TDRD12: variants seen among roughly 807,000 people sequenced by gnomAD.
TDRD12 encodes tudor domain containing 12.
Under a neutral mutation model 133.5 loss-of-function variants are expected in TDRD12, and 158 were observed. The ratio of observed to expected loss-of-function variants is 1.18; its 90% CI spans 1.04 to 1.35. TDRD12 has a LOEUF of 1.35. Among genes scored for constraint, TDRD12 ranks in the 40% most tolerant of loss-of-function variants. The pLI is 0.00. For missense variants in TDRD12, 1,443 were observed against 1,321.3 expected (o/e 1.09, Z -1.43); for synonymous variants, 460 against 477.9 (o/e 0.96, Z 0.49).
At chr19:32,773,409 T>C in intron 9 of TDRD12, 47 bp from the exon 10 acceptor site, 1 of 1,495,746 alleles carries the variant, frequency 6.7e-7, no homozygotes, top group Non-Finnish European at 9.1e-7. Flanking sequence ...ATGTATATTA[T>C]GTTGCTAGCA....
chr19:32,733,194 C>T (rs1043008114), intron 2 of TDRD12, among the ~76,000 whole-genome samples: 1 of 152,078 alleles, frequency 6.6e-6, no homozygotes, highest in Non-Finnish European at 1.5e-5. Context: ...CGTAGCCGGG[C>T]GTGGTGGCCC....
At chr19:32,806,061 G>A (rs1382472856) in intron 21 of TDRD12, among the ~76,000 whole-genome samples, 1 of 151,872 alleles carries the variant, frequency 6.6e-6, no homozygotes, top group African/African-American at 2.4e-5. Flanking sequence ...GAGCCTGTTA[G>A]TGTCTTCAGA....
At chr19:32,803,016 T>C in exon 21 of TDRD12, 1 of 1,536,020 alleles carries the variant, frequency 6.5e-7, no homozygotes, top group Non-Finnish European at 8.7e-7. Context: ...CTGCGCTACT[T>C]GGAGCGAGCG....
In TDRD12 at chr19:32,778,167, A is replaced by C. The variant is rs370824682; in HGVS notation, c.1121+938A>C. On this transcript the variant is annotated intron_variant, in intron 11 of 27. Transcript: ENST00000444215. ...CTGGTTGGCCTTGGGGGTTGGAGCCAGGGTGTGGACTCTGCAGCCATGTGG... is the reference window on the plus strand; with the variant it reads ...CTGGTTGGCCTTGGGGGTTGGAGCCCGGGTGTGGACTCTGCAGCCATGTGG... Among the ~76,000 whole-genome samples, 25 of 152,088 alleles carry C rather than the reference A, an allele frequency of 1.6e-4. No individual in the cohort carries two copies. The East Asian group carries it at 4.7e-3, about 28-fold the overall frequency.
chr19:32,731,623 AGGT>A (rs1465390480), intron 1 of TDRD12, 99 bp from the exon 2 acceptor site: 1 of 1,068,228 alleles, frequency 9.4e-7, no homozygotes, highest in African/African-American at 1.6e-5. Flanking sequence ...AGAATTTGTT[AGGT>A]CACTTAAATT....
chr19:32,723,312 G>A (rs914710230), intron 1 of TDRD12, among the ~76,000 whole-genome samples: 2 of 151,750 alleles, frequency 1.3e-5, no homozygotes, highest in Non-Finnish European at 2.9e-5. Context: ...GTGCAGTGGT[G>A]TGATCTCGGC....
rs1377598347 is a variant in TDRD12 at position 32,794,112 on chromosome 19, T to C, written c.1288-516T>C. On this transcript the variant is annotated intron_variant, in intron 13 of 27. Transcript: ENST00000444215. ...CCTGGCTTTTTTTTTTTTTTTTTTTTTTTTTTTTTTTGAGATGGAGTCTCG... is the reference window on the plus strand; with the variant it reads ...CCTGGCTTTTTTTTTTTTTTTTTTTCTTTTTTTTTTTGAGATGGAGTCTCG... 1.4e-4 allele frequency among the ~76,000 whole-genome samples: 18 copies of C among 128,142 alleles called. 2 individuals carry two copies. Among genetic ancestry groups the C allele is most frequent in the African/African-American group, 5.1e-4 (17 of 33,148 alleles). 84.1% of individuals were successfully genotyped at this position (128,142 alleles called of 152,430 possible).
At chr19:32,772,172 C>G (rs148426417) in intron 8 of TDRD12, among the ~76,000 whole-genome samples, 1 of 152,336 alleles carries the variant, frequency 6.6e-6, no homozygotes, top group African/African-American at 2.4e-5. Context: ...GCAGTTGATG[C>G]TGGCTTTTGG....
intron 11 of TDRD12, among the ~76,000 whole-genome samples, chr19:32,786,904 G>T (rs1222695632): frequency 6.6e-6 from 1 of 152,108 alleles, no homozygotes; most frequent in Admixed American, 6.5e-5. Context: ...TGTTATTACT[G>T]ACCTTCTGAA....
intron 6 of TDRD12, among the ~76,000 whole-genome samples, chr19:32,754,383 C>T (rs1969926909): frequency 6.6e-6 from 1 of 152,022 alleles, no homozygotes; most frequent in South Asian, 2.1e-4. Flanking sequence ...GTGGGAGGAT[C>T]ACTTGTGCCT....
At chr19:32,756,742 G>A (rs1270239272) in intron 7 of TDRD12, among the ~76,000 whole-genome samples, 1 of 152,076 alleles carries the variant, frequency 6.6e-6, no homozygotes, top group Non-Finnish European at 1.5e-5. Context: ...TTGCAATTTA[G>A]AGATACTAAG....
At chr19:32,810,052 C>T (rs765590710) in intron 22 of TDRD12, 41 bp from the exon 23 acceptor site, 25 of 1,331,556 alleles carry the variant, frequency 1.9e-5, no homozygotes, top group Non-Finnish European at 2.3e-5. Flanking sequence ...CCGGTTTAGA[C>T]TAAGTTTGTT....
chr19:32,799,961 C>T (rs1971339010), intron 16 of TDRD12, among the ~76,000 whole-genome samples: 2 of 151,848 alleles, frequency 1.3e-5, no homozygotes, highest in South Asian at 4.2e-4. Flanking sequence ...GTCTTGAATT[C>T]CTGACCTCAT....
chr19:32,775,807 C>T (rs1477714214), intron 10 of TDRD12, among the ~76,000 whole-genome samples: 2 of 152,104 alleles, frequency 1.3e-5, no homozygotes, highest in African/African-American at 4.8e-5. Context: ...TTGTCGTTTC[C>T]CTTGGCAGTC....
At chr19:32,823,720 A>C (rs1967487405), downstream of TDRD12, among the ~76,000 whole-genome samples, 1 of 152,180 alleles carries the variant, frequency 6.6e-6, no homozygotes, top group Admixed American at 6.5e-5. Context: ...TCTGGAAAAG[A>C]CAGTTTGCAA....
intron 14 of TDRD12, among the ~76,000 whole-genome samples, chr19:32,797,409 A>C (rs1488834416): frequency 6.6e-6 from 1 of 152,188 alleles, no homozygotes; most frequent in East Asian, 1.9e-4. Flanking sequence ...TTAGCTGTGC[A>C]GCCTTGGGTA....
intron 22 of TDRD12, among the ~76,000 whole-genome samples, chr19:32,808,470 C>T (rs1320491588): frequency 6.6e-6 from 1 of 152,172 alleles, no homozygotes; most frequent in Non-Finnish European, 1.5e-5. Flanking sequence ...GCCACTGTCA[C>T]TCTCTCTCCA....
chr19:32,803,037 TC>T lies in TDRD12; in HGVS notation c.2451del (p.Ala818GlnfsTer27). 6.5e-7 allele frequency: 1 copy of T among 1,535,876 alleles called. No individual in the cohort carries two copies. On this transcript the variant is annotated frameshift_variant, in exon 21 of 28. Transcript: ENST00000444215. LOFTEE classifies it high-confidence loss of function. ...TACTTGGAGCGAGCGGACGCCAAGG[TC>T]CCCGCAGAGCTGTACGAGTTCACCG...
chr19:32,819,309 T>A (rs560456909), intron 27 of TDRD12, among the ~76,000 whole-genome samples: 8 of 115,800 alleles, frequency 6.9e-5, no homozygotes, highest in African/African-American at 3.1e-4. Flanking sequence ...AGCAAGACCT[T>A]GTCTCAAAAA....
Sources: gnomAD v4.1 joint callset for allele counts (sites outside exome capture counted in the v4.1 genomes callset) on GRCh38, gnomAD v4.1.1 for gene constraint, MANE v1.5 for transcripts, NCBI Gene and HGNC (gene_info 2026-07-23, HGNC 2026-07-21) for gene names.